Variants in BCAT1 observed in about 807,000 individuals in gnomAD.
BCAT1 encodes the protein branched-chain-amino-acid aminotransferase, cytosolic.
BCAT1 carries 48 observed loss-of-function variants against 52.4 expected under a neutral mutation model. That is an observed-to-expected ratio of 0.92 (90% CI 0.73 to 1.16). BCAT1 has a LOEUF of 1.16. Among genes scored for constraint, BCAT1 ranks in the 50% most tolerant of loss-of-function variants. The pLI, the probability that BCAT1 is intolerant of heterozygous loss-of-function variation, is 0.00. For synonymous variants in BCAT1, 167 were observed against 161.3 expected (o/e 1.04, Z -0.27); for missense variants, 451 against 457.1 (o/e 0.99, Z 0.12).
At chr12:24,888,974 T>C (rs1199916725) in intron 3 of BCAT1, among the ~76,000 whole-genome samples, 5 of 152,116 alleles carry the variant, frequency 3.3e-5, no homozygotes, top group Non-Finnish European at 5.9e-5. Flanking sequence ...GGAAAGTCCA[T>C]TTGCATAAAA....
chr12:24,924,251 G>A (rs925847215), intron 1 of BCAT1, among the ~76,000 whole-genome samples: 4 of 152,150 alleles, frequency 2.6e-5, no homozygotes, highest in African/African-American at 9.7e-5. Flanking sequence ...GGGAGAGAAA[G>A]AGAACCCCTT....
intron 10 of BCAT1, among the ~76,000 whole-genome samples, chr12:24,824,561 A>G (rs1940302764): frequency 6.6e-6 from 1 of 152,136 alleles, no homozygotes; most frequent in Admixed American, 6.6e-5. Flanking sequence ...CAGCCTCCCA[A>G]AGTTTTAGGA....
At chr12:24,912,280 C>T (rs531024933) in intron 1 of BCAT1, among the ~76,000 whole-genome samples, 8 of 151,874 alleles carry the variant, frequency 5.3e-5, no homozygotes, top group Non-Finnish European at 7.4e-5. Flanking sequence ...TTTGGGAGGC[C>T]GAGGCGGGCG....
chr12:24,843,012 G>A (rs1941219538), intron 6 of BCAT1, among the ~76,000 whole-genome samples: 1 of 152,066 alleles, frequency 6.6e-6, no homozygotes, highest in South Asian at 2.1e-4. Flanking sequence ...AAATAAATGT[G>A]ATGACTGCTT....
intron 5 of BCAT1, among the ~76,000 whole-genome samples, chr12:24,862,644 C>T (rs944714017): frequency 2.0e-5 from 3 of 152,152 alleles, no homozygotes; most frequent in South Asian, 4.1e-4. Context: ...ATACTAATAG[C>T]TCCTCCTATA....
At chr12:24,913,009 C>A (rs534787068) in intron 1 of BCAT1, among the ~76,000 whole-genome samples, 5 of 152,100 alleles carry the variant, frequency 3.3e-5, no homozygotes, top group Non-Finnish European at 7.4e-5. Context: ...TATGGTGAAA[C>A]CCTGTCTTTA....
chr12:24,859,515 G>A (rs775856346), intron 5 of BCAT1, among the ~76,000 whole-genome samples: 13 of 150,458 alleles, frequency 8.6e-5, no homozygotes, highest in East Asian at 2.0e-4. Flanking sequence ...CAGCTACCCC[G>A]GAGGCTGAGG....
chr12:24,815,301 C>G lies in BCAT1; in HGVS notation c.*2707G>C, dbSNP rs966348791. On this transcript the variant is annotated 3_prime_UTR_variant, in exon 11 of 11. Coordinates refer to ENST00000261192, the MANE Select transcript of BCAT1 (RefSeq NM_005504.7). ...GCCACCAGTTCTGTTTATATTAATG[C>G]ACTTGTGAATTGCTGAATCTCATTT... 2.6e-5 allele frequency: 4 copies of G among 152,550 alleles called. No homozygotes were observed. Among genetic ancestry groups the G allele is most frequent in the African/African-American group, 9.7e-5 (4 of 41,450 alleles). The allele number at this position is 152,550 out of a possible 1,614,324, so 9.4% of individuals were successfully genotyped here.
rs531976954 is a variant in BCAT1, at chr12:24,889,269, A to G, written c.279+5006T>C. On this transcript the variant is annotated intron_variant, in intron 3 of 10. Transcript: ENST00000261192. ...CAAAATGACGAACCCCAAGGTATAT[A>G]CCCCAGACAACGTAGCCACTTCAAT... Among the ~76,000 whole-genome samples the G allele has an allele frequency of 1.3e-4, 20 of 152,280 alleles. No homozygotes were observed. The East Asian group carries it at 3.9e-3, about 29-fold the overall frequency.
chr12:24,887,433 C>T (rs1942714262), intron 3 of BCAT1, among the ~76,000 whole-genome samples: 1 of 152,034 alleles, frequency 6.6e-6, no homozygotes, highest in Admixed American at 6.5e-5. Context: ...CACATGCACA[C>T]AAACACAAAA....
intron 10 of BCAT1, 49 bp downstream of exon 10, chr12:24,829,772 TAA>T (rs35406045): frequency 2.2e-6 from 3 of 1,363,360 alleles, no homozygotes; most frequent in Admixed American, 2.2e-5. Flanking sequence ...TAAGGTGACA[TAA>T]AAAAAAGAAA....
intron 5 of BCAT1, among the ~76,000 whole-genome samples, chr12:24,856,994 A>G (rs1019485519): frequency 3.3e-5 from 5 of 152,172 alleles, no homozygotes; most frequent in African/African-American, 9.7e-5. Context: ...CCTAAAAATT[A>G]TCTTGAGCAG....
At chr12:24,872,701 T>C (rs1410150115) in intron 5 of BCAT1, among the ~76,000 whole-genome samples, 1 of 152,248 alleles carries the variant, frequency 6.6e-6, no homozygotes, top group Non-Finnish European at 1.5e-5. Flanking sequence ...AGCCTGCAAA[T>C]CTGTGGTGGA....
At chr12:24,841,387 C>T (rs575658874) in intron 7 of BCAT1, among the ~76,000 whole-genome samples, 15 of 152,290 alleles carry the variant, frequency 9.8e-5, no homozygotes, top group East Asian at 3.8e-4. Flanking sequence ...ATTTTATATA[C>T]GGTATATGGT....
chr12:24,821,465 T>C (rs1040674278), intron 10 of BCAT1, among the ~76,000 whole-genome samples: 5 of 152,178 alleles, frequency 3.3e-5, no homozygotes, highest in Non-Finnish European at 7.4e-5. Context: ...TGTGATTATT[T>C]GTTGACAGCA....
At chr12:24,833,148 CCTT>C (rs1157166069) in intron 8 of BCAT1, among the ~76,000 whole-genome samples, 1 of 152,068 alleles carries the variant, frequency 6.6e-6, no homozygotes, top group African/African-American at 2.4e-5. Flanking sequence ...TTCTTTTTTG[CCTT>C]CTTATTTGTT....
At chr12:24,884,199 A>T (rs1259126895) in intron 3 of BCAT1, among the ~76,000 whole-genome samples, 4 of 152,240 alleles carry the variant, frequency 2.6e-5, no homozygotes, top group Non-Finnish European at 5.9e-5. Flanking sequence ...ATTTACAATG[A>T]CATGGGGAAC....
rs66475442 is a variant in BCAT1, at chr12:24,837,146, A to AAGGAAGGAAGGGAGGG, written c.818-551_818-550insCCCTCCCTTCCTTCCT. ...GGAGGAAGGGGGGAGGGAAGGAAGG[A>AAGGAAGGAAGGGAGGG]AAGTTATCTAATCATCTTCAGTTTA... On this transcript the variant is annotated intron_variant, in intron 7 of 10. Transcript: ENST00000261192. Among the ~76,000 whole-genome samples, 12 of 91,918 alleles carry AAGGAAGGAAGGGAGGG rather than the reference A, an allele frequency of 1.3e-4. 1 individual carries two copies. The highest frequency in any genetic ancestry group is 2.5e-4 in the African/African-American group (7 of 27,810). 60.3% of individuals were successfully genotyped at this position (91,918 alleles called of 152,430 possible).
At chr12:24,917,132 G>A (rs74689212) in intron 1 of BCAT1, among the ~76,000 whole-genome samples, 2,195 of 149,216 alleles carry the variant, frequency 0.015, 31 homozygotes, top group South Asian at 0.03. Flanking sequence ...TGTAATTCTC[G>A]TTCTCCTTGA....
Sources: allele counts gnomAD v4.1 joint callset (sites outside exome capture counted in the v4.1 genomes callset), GRCh38; gene constraint gnomAD v4.1.1; transcripts MANE v1.5; gene names NCBI Gene and HGNC (gene_info 2026-07-23, HGNC 2026-07-21).